RAB6B: variants seen among roughly 807,000 people sequenced by gnomAD.
RAB6B encodes RAB6B, member RAS oncogene family, also known as ras-related protein Rab-6B.
In RAB6B, 7 loss-of-function variants were observed where a neutral mutation model predicts 31.2. The ratio of observed to expected loss-of-function variants is 0.22; its 90% CI spans 0.13 to 0.42. RAB6B has a LOEUF of 0.42. RAB6B is among the 10% of genes least tolerant of loss of function. The probability of loss-of-function intolerance (pLI) is 1.00; values close to 1 mark genes in which losing one functional copy is unlikely to be tolerated. For missense variants in RAB6B, 149 were observed against 280.6 expected (o/e 0.53, Z 3.35); for synonymous variants, 105 against 104.9 (o/e 1.00, Z -0.01).
intron 1 of RAB6B, among the ~76,000 whole-genome samples, chr3:133,871,074 T>A (rs753001283): frequency 6.6e-6 from 1 of 152,206 alleles, no homozygotes; most frequent in Non-Finnish European, 1.5e-5. Context: ...ATTCTGGTGG[T>A]TTCTAGGTAG....
intron 1 of RAB6B, among the ~76,000 whole-genome samples, chr3:133,882,370 A>C (rs1411459240): frequency 6.6e-6 from 1 of 152,200 alleles, no homozygotes; most frequent in Admixed American, 6.5e-5. Flanking sequence ...GCAAGTCACA[A>C]GTTCCATCTG....
intron 2 of RAB6B, among the ~76,000 whole-genome samples, chr3:133,842,193 C>T (rs1224392956): frequency 1.3e-5 from 2 of 152,240 alleles, no homozygotes; most frequent in Non-Finnish European, 2.9e-5. Flanking sequence ...CTGCAGACCA[C>T]CCAGAGTGGC....
At position 133,824,506 on chromosome 3, in the gene RAB6B, T is replaced by A. The variant is rs761947140; in HGVS notation, c.*4282A>T. The stretch of plus-strand genomic sequence containing the variant: ...CTCCTGAAGGAACCATCTAAACCCC[T>A]GCTGCAAGGATTTCCTGATGAAACC... On this transcript the variant is annotated 3_prime_UTR_variant, in exon 8 of 8. Transcript: ENST00000285208. The A allele has an allele frequency of 3.3e-5, 5 of 152,200 alleles. No individual in the cohort carries two copies. The highest frequency in any genetic ancestry group is 5.9e-5 in the Non-Finnish European group (4 of 68,046). 9.4% of individuals were successfully genotyped at this position (152,200 alleles called of 1,614,324 possible).
intron 1 of RAB6B, chr3:133,885,603 A>G (rs1936534978): frequency 2.8e-6 from 2 of 702,920 alleles, no homozygotes; most frequent in Admixed American, 2.0e-5. Context: ...GGAGTCCGGA[A>G]GGGCTGCCAG....
rs1935561762 is a variant in RAB6B, at chr3:133,826,311, G to A, written c.*2477C>T. The stretch of plus-strand genomic sequence containing the variant: ...AATGCTATCTTTTACTGCTCCTCTA[G>A]GCCAGGATGGAAACACAGTCCACGG... On this transcript the variant is annotated 3_prime_UTR_variant, in exon 8 of 8. Transcript: ENST00000285208. 1 of 152,262 alleles carries A rather than the reference G, an allele frequency of 6.6e-6. No individual in the cohort carries two copies. The highest frequency in any genetic ancestry group is 1.5e-5 in the Non-Finnish European group (1 of 68,070). 9.4% of individuals were successfully genotyped at this position (152,262 alleles called of 1,614,324 possible).
chr3:133,881,362 C>T (rs753252494), intron 1 of RAB6B, among the ~76,000 whole-genome samples: 5 of 152,216 alleles, frequency 3.3e-5, no homozygotes, highest in Non-Finnish European at 5.9e-5. Context: ...CTATCTCTTT[C>T]GGTGCACAGC....
chr3:133,833,218 C>T (rs145686758), intron 7 of RAB6B, among the ~76,000 whole-genome samples: 1 of 152,180 alleles, frequency 6.6e-6, no homozygotes. Context: ...GGGGCTCTCT[C>T]CTGAGCTCTG....
At chr3:133,886,709 A>G (rs1936552883) in intron 1 of RAB6B, among the ~76,000 whole-genome samples, 1 of 152,244 alleles carries the variant, frequency 6.6e-6, no homozygotes, top group African/African-American at 2.4e-5. Flanking sequence ...CACAGTTCAC[A>G]ATACAGAAAT....
intron 1 of RAB6B, among the ~76,000 whole-genome samples, chr3:133,889,433 T>C (rs1258871079): frequency 2.5e-5 from 2 of 80,450 alleles, no homozygotes; most frequent in African/African-American, 5.2e-5. Flanking sequence ...TATATATATA[T>C]ATATATATAT....
intron 1 of RAB6B, among the ~76,000 whole-genome samples, chr3:133,892,886 C>G (rs143418162): frequency 6.6e-6 from 1 of 152,210 alleles, no homozygotes; most frequent in South Asian, 2.1e-4. Flanking sequence ...GTAGAAGAAG[C>G]GGCTGTGGAG....
intron 1 of RAB6B, among the ~76,000 whole-genome samples, chr3:133,869,802 G>A (rs964095442): frequency 3.3e-5 from 5 of 152,166 alleles, no homozygotes; most frequent in Non-Finnish European, 4.4e-5. Context: ...AGGGAGACAC[G>A]CATGCAGCAA....
chr3:133,879,049 C>T (rs1659786328), intron 1 of RAB6B, among the ~76,000 whole-genome samples: 1 of 152,132 alleles, frequency 6.6e-6, no homozygotes, highest in African/African-American at 2.4e-5. Flanking sequence ...CTTGTGTGAT[C>T]TTGGGTTAGT....
chr3:133,853,274 C>A (rs60288118), intron 2 of RAB6B, among the ~76,000 whole-genome samples: 1 of 152,004 alleles, frequency 6.6e-6, no homozygotes, highest in Admixed American at 6.6e-5. Context: ...TGGGGATACA[C>A]ATGTGTATGT....
intron 6 of RAB6B, among the ~76,000 whole-genome samples, chr3:133,834,948 A>T (rs1935711419): frequency 1.3e-5 from 2 of 152,194 alleles, no homozygotes; most frequent in Admixed American, 1.3e-4. Context: ...ACTGCAAGGG[A>T]CTTCCTCTGG....
At chr3:133,866,820 G>A (rs1936243441) in intron 1 of RAB6B, among the ~76,000 whole-genome samples, 1 of 152,242 alleles carries the variant, frequency 6.6e-6, no homozygotes, top group South Asian at 2.1e-4. Flanking sequence ...CTTTTTGAAA[G>A]GGAGTGGAAA....
intron 1 of RAB6B, among the ~76,000 whole-genome samples, chr3:133,893,863 T>C (rs1936670550): frequency 6.6e-6 from 1 of 152,064 alleles, no homozygotes; most frequent in African/African-American, 2.4e-5. Context: ...ACACAGGGTA[T>C]GGTCAGCTCT....
At chr3:133,886,832 A>C (rs1345025521) in intron 1 of RAB6B, among the ~76,000 whole-genome samples, 1 of 152,208 alleles carries the variant, frequency 6.6e-6, no homozygotes. Flanking sequence ...TTATCATGTG[A>C]GCCTTAATCA....
At position 133,860,024 on chromosome 3, in the gene RAB6B, C is replaced by T. The variant is rs186073174; in HGVS notation, c.129+4560G>A. Among the ~76,000 whole-genome samples, 87 of 152,244 alleles carry T rather than the reference C, an allele frequency of 5.7e-4. 2 individuals are homozygous for T. The highest frequency in any genetic ancestry group is 1.6e-3 in the African/African-American group (68 of 41,556). On this transcript the variant is annotated intron_variant, in intron 2 of 7. Coordinates refer to ENST00000285208, the MANE Select transcript of RAB6B (RefSeq NM_016577.4). ...GCTGGGCAGGAGGCACGTGAAGGGC[C>T]GGAGGGGCTCGGAGCCTGCAGGGGC...
Position 133,841,282 on chromosome 3 carries a change from CACTT to C in RAB6B, c.288_289+2del. On this transcript the variant is annotated splice_donor_variant and coding_sequence_variant, in exon 4 of 8. Coordinates refer to ENST00000285208, the MANE Select transcript of RAB6B (RefSeq NM_016577.4). LOFTEE classifies it high-confidence loss of function. ...CCTCCCTTAGGAGCAGAGCCTCACT[CACTT>C]GTGATGTCGTACACCACCACAGCCA... 1 of 1,614,072 alleles carries C rather than the reference CACTT, an allele frequency of 6.2e-7. No individual in the cohort carries two copies. The highest frequency in any genetic ancestry group is 8.5e-7 in the Non-Finnish European group (1 of 1,179,970).
Sources: gnomAD v4.1 joint callset for allele counts (sites outside exome capture counted in the v4.1 genomes callset) on GRCh38, gnomAD v4.1.1 for gene constraint, MANE v1.5 for transcripts, NCBI Gene and HGNC (gene_info 2026-07-23, HGNC 2026-07-21) for gene names.